The following STON2 variants were observed in gnomAD, a reference collection of about 807,000 sequenced individuals.
The protein encoded by STON2 is stonin-2.
A neutral mutation model predicts 65.7 loss-of-function variants in STON2; 29 were observed. That is an observed-to-expected ratio of 0.44 (90% CI 0.33 to 0.60). STON2 has a LOEUF of 0.60. STON2 is among the 20% of genes least tolerant of loss of function. STON2 has a pLI of 0.03. For synonymous variants in STON2, 404 were observed against 414.2 expected, an observed-to-expected ratio of 0.98 and a Z score of 0.30; for missense variants, 1,054 against 1,118.1, an observed-to-expected ratio of 0.94 and a Z score of 0.82.
At chr14:81,338,130 T>C (rs1198469691) in intron 4 of STON2, among the ~76,000 whole-genome samples, 1 of 152,128 alleles carries the variant, frequency 6.6e-6, no homozygotes, top group Non-Finnish European at 1.5e-5. Context: ...ATTTCTTGGG[T>C]GAAAGGAGCA....
At chr14:81,423,416 T>C (rs1360143470) in intron 2 of STON2, among the ~76,000 whole-genome samples, 4 of 152,226 alleles carry the variant, frequency 2.6e-5, no homozygotes, top group Admixed American at 2.0e-4. Flanking sequence ...TAGGGATCTG[T>C]GGACTCCCTG....
chr14:81,266,660 C>G lies in STON2; in HGVS notation c.*1754G>C. 1 of 985,088 alleles carries G rather than the reference C, an allele frequency of 1.0e-6. No individual in the cohort carries two copies. Among genetic ancestry groups the G allele is most frequent in the African/African-American group, 1.7e-5 (1 of 57,344 alleles). 61.0% of individuals were successfully genotyped at this position (985,088 alleles called of 1,614,324 possible). ...GGAGGGTTAATAAAAGCATGTAAGG[C>G]TTTTATTAACACCAGCTGACTACAT... On this transcript the variant is annotated 3_prime_UTR_variant, in exon 8 of 8. Coordinates refer to ENST00000614646, the MANE Select transcript of STON2 (RefSeq NM_001394390.1).
chr14:81,331,492 T>C (rs1018297996), intron 4 of STON2, among the ~76,000 whole-genome samples: 1 of 152,104 alleles, frequency 6.6e-6, no homozygotes, highest in African/African-American at 2.4e-5. Context: ...CACAGTTCAA[T>C]ACTACTGGGA....
chr14:81,295,303 C>A (rs1239302158), intron 5 of STON2, among the ~76,000 whole-genome samples: 2 of 152,000 alleles, frequency 1.3e-5, no homozygotes, highest in Non-Finnish European at 2.9e-5. Context: ...CCAGCCTGGG[C>A]TACACAGCAA....
In STON2 at chr14:81,324,034, C is replaced by T. The variant is rs1896916448; in HGVS notation, c.725G>A (p.Gly242Glu). 1.3e-5 allele frequency among the ~76,000 whole-genome samples: 2 copies of T among 152,250 alleles called. No homozygotes were observed. Among genetic ancestry groups the T allele is most frequent in the Non-Finnish European group, 1.5e-5 (1 of 68,048 alleles). The change falls in exon 5 of 8, where the codon GGG becomes GAG. Residue 242 changes from glycine (G) to glutamate (E), a missense_variant. By Grantham distance (98) the Gly-to-Glu change is moderately conservative. Coordinates refer to ENST00000614646, the MANE Select transcript of STON2 (RefSeq NM_001394390.1). ...GCCCTTACCATTGGGAGCAGAGGCC[C>T]CCTCCGGACCCTCGCCGGGGTTCTG... ...RSQNPGEGPEGASAPNDNSSS... is the reference protein window; with the variant it reads ...RSQNPGEGPEEASAPNDNSSS...
intron 4 of STON2, among the ~76,000 whole-genome samples, chr14:81,342,183 C>T (rs184303234): frequency 1.8e-4 from 27 of 151,974 alleles, no homozygotes; most frequent in South Asian, 6.2e-4. Flanking sequence ...TCTTGTTGCC[C>T]GGGTGCCATG....
In STON2 at chr14:81,261,961, A is replaced by AAAG. The variant is rs1555392921; in HGVS notation, c.*6452_*6453insCTT. Reference sequence around the variant, plus strand: ...GGAAATGATAAAAAAAAAAAAAAAAAAGAGAGAGATGTGAAAAGGAAAAAG... The same window carrying AAAG: ...GGAAATGATAAAAAAAAAAAAAAAAAAAGAGAGAGAGATGTGAAAAGGAAAAAG... On this transcript the variant is annotated 3_prime_UTR_variant, in exon 8 of 8. Transcript: ENST00000614646. 1.5e-5 allele frequency: 21 copies of AAAG among 1,418,914 alleles called. No homozygotes were observed. The highest frequency in any genetic ancestry group is 1.5e-4 in the African/African-American group (10 of 68,538). The allele number at this position is 1,418,914 out of a possible 1,614,324, so 87.9% of individuals were successfully genotyped here. A position where few individuals can be genotyped will look rare whatever the true frequency, so the allele number is the denominator to read the frequency against.
intron 5 of STON2, among the ~76,000 whole-genome samples, chr14:81,317,367 C>T (rs990278436): frequency 6.6e-6 from 1 of 152,150 alleles, no homozygotes; most frequent in Admixed American, 6.5e-5. Flanking sequence ...TTGGAGGGGA[C>T]AAATATACAA....
chr14:81,432,222 G>T (rs143915708), intron 1 of STON2, among the ~76,000 whole-genome samples: 1 of 152,052 alleles, frequency 6.6e-6, no homozygotes, highest in Non-Finnish European at 1.5e-5. Context: ...TTTATTTCCC[G>T]TGTCACATTA....
rs1391007262 is a variant in STON2 at position 81,352,463 on chromosome 14, C to T, written c.571+18525G>A. On this transcript the variant is annotated intron_variant, in intron 4 of 7. Coordinates refer to ENST00000614646, the MANE Select transcript of STON2 (RefSeq NM_001394390.1). ...TCCAAGTTGATGGACCCTCTGGATT[C>T]CAGGTGGTTCCATATCTAGTTTGAA... Among the ~76,000 whole-genome samples the T allele has an allele frequency of 2.6e-5, 4 of 152,074 alleles. No homozygotes were observed. The East Asian group carries it at 7.7e-4, about 29-fold the overall frequency.
chr14:81,279,489 C>T (rs1462765764), intron 5 of STON2, among the ~76,000 whole-genome samples: 1 of 152,054 alleles, frequency 6.6e-6, no homozygotes, highest in Non-Finnish European at 1.5e-5. Flanking sequence ...AGGAATTCGG[C>T]ACCAGCCTGG....
At chr14:81,357,319 T>C (rs894689896) in intron 4 of STON2, among the ~76,000 whole-genome samples, 1 of 152,106 alleles carries the variant, frequency 6.6e-6, no homozygotes, top group African/African-American at 2.4e-5. Context: ...TCACTGGCCA[T>C]CAGAGAAATG....
intron 3 of STON2, among the ~76,000 whole-genome samples, chr14:81,375,848 A>T (rs1351479274): frequency 1.3e-5 from 2 of 151,556 alleles, no homozygotes; most frequent in Non-Finnish European, 2.9e-5. Context: ...AATACTGGTT[A>T]TGATACAATT....
intron 5 of STON2, among the ~76,000 whole-genome samples, chr14:81,308,802 ATATATATATATATATATATATATG>A (rs1252405748): frequency 0.075 from 1,270 of 16,976 alleles, 85 homozygotes; most frequent in Admixed American, 0.29. Flanking sequence ...ATATATATAT[ATATATATATATATATATATATATG>A]TGTGTGTGTG....
At chr14:81,329,932 T>C (rs897696479) in intron 4 of STON2, among the ~76,000 whole-genome samples, 3 of 152,232 alleles carry the variant, frequency 2.0e-5, no homozygotes, top group African/African-American at 4.8e-5. Flanking sequence ...ACAGGACTTG[T>C]TGGCACTGAT....
chr14:81,389,289 G>T (rs1899966677), intron 3 of STON2, among the ~76,000 whole-genome samples: 1 of 151,920 alleles, frequency 6.6e-6, no homozygotes, highest in South Asian at 2.1e-4. Context: ...TTTTTTTCTT[G>T]CACGCACAGA....
At chr14:81,314,842 C>CT (rs959495674) in intron 5 of STON2, among the ~76,000 whole-genome samples, 14 of 152,132 alleles carry the variant, frequency 9.2e-5, no homozygotes, top group African/African-American at 3.1e-4. Context: ...AATAATACCT[C>CT]TTTGTTTTTT....
At chr14:81,371,744 C>A (rs1479204873) in intron 3 of STON2, among the ~76,000 whole-genome samples, 1 of 149,312 alleles carries the variant, frequency 6.7e-6, no homozygotes, top group African/African-American at 2.5e-5. Flanking sequence ...GAAAATCTCA[C>A]TAAAGGAACA....
intron 4 of STON2, among the ~76,000 whole-genome samples, chr14:81,336,177 T>C (rs908483945): frequency 1.3e-4 from 20 of 152,214 alleles, no homozygotes; most frequent in African/African-American, 4.8e-4. Context: ...CGCCGTACAA[T>C]AGCTGAGAAC....
Sources: allele counts gnomAD v4.1 joint callset (sites outside exome capture counted in the v4.1 genomes callset), GRCh38; gene constraint gnomAD v4.1.1; transcripts MANE v1.5; gene names NCBI Gene and HGNC (gene_info 2026-07-23, HGNC 2026-07-21).